MTF2: variants seen among roughly 807,000 people sequenced by gnomAD.
MTF2 encodes the protein metal response element binding transcription factor 2.
MTF2 carries 11 observed loss-of-function variants against 79.5 expected under a neutral mutation model. The observed-to-expected ratio is 0.14, with a 90% CI of 0.09 to 0.23. MTF2 has a LOEUF of 0.23. Among genes scored for constraint, MTF2 ranks in the 10% least tolerant of loss-of-function variants. MTF2 has a pLI of 1.00. For synonymous variants in MTF2, 208 were observed against 232.8 expected (o/e 0.89, Z 0.97); for missense variants, 486 against 711.2 (o/e 0.68, Z 3.60).
At chr1:93,088,713 G>GTAATTACAGCCACCCAAGTAGC (rs1654951652) in intron 1 of MTF2, among the ~76,000 whole-genome samples, 1 of 152,050 alleles carries the variant, frequency 6.6e-6, no homozygotes, top group South Asian at 2.1e-4. Flanking sequence ...TTACAGCTGT[G>GTAATTACAGCCACCCAAGTAGC]TGCCAACGTG....
At chr1:93,096,522 C>CTT in intron 1 of MTF2, among the ~76,000 whole-genome samples, 1 of 148,070 alleles carries the variant, frequency 6.8e-6, no homozygotes, top group East Asian at 2.0e-4. Flanking sequence ...CTGTCATATG[C>CTT]TTTTTTTTTT....
At position 93,114,701 on chromosome 1, in the gene MTF2, TG is replaced by T; in HGVS notation, c.304del (p.Glu102LysfsTer41). ...KDIQTGATGS[G>X]EMVCTICQEE... ...TAAATATTTTAGGAGCCACTGGAAG[TG>T]GGGAAATGGTCTGTACAATATGTCA... On this transcript the variant is annotated frameshift_variant, in exon 4 of 15. Coordinates refer to ENST00000370298, the MANE Select transcript of MTF2 (RefSeq NM_007358.4). LOFTEE classifies it high-confidence loss of function. 1 of 1,601,336 alleles carries T rather than the reference TG, an allele frequency of 6.2e-7. No individual in the cohort carries two copies. The highest frequency in any genetic ancestry group is 8.5e-7 in the Non-Finnish European group (1 of 1,176,316).
intron 1 of MTF2, among the ~76,000 whole-genome samples, chr1:93,088,499 A>C (rs1174649449): frequency 6.6e-6 from 1 of 152,204 alleles, no homozygotes; most frequent in Admixed American, 6.5e-5. Context: ...TTTGAAATCT[A>C]TTACTGTTTC....
At chr1:93,096,145 C>T (rs1655278853) in intron 1 of MTF2, among the ~76,000 whole-genome samples, 1 of 152,204 alleles carries the variant, frequency 6.6e-6, no homozygotes, top group African/African-American at 2.4e-5. Flanking sequence ...CTTCCATCTT[C>T]ATATATTGTG....
intron 1 of MTF2, among the ~76,000 whole-genome samples, chr1:93,082,606 G>T (rs1203022229): frequency 6.6e-6 from 1 of 152,036 alleles, no homozygotes; most frequent in Admixed American, 6.6e-5. Context: ...TTTTTTAAAG[G>T]TTTATTTTTA....
Position 93,136,998 on chromosome 1 carries a change from G to T in MTF2, c.1753G>T (p.Val585Leu). ...ACTTGATGGAAAGGTGCAGTATCTT[G>T]TGGAATGGGAAGGAGCAACTGCATC... ...VTLDGKVQYLVEWEGATAS is the reference protein window; with the variant it reads ...VTLDGKVQYLLEWEGATAS Residue 585 changes from valine to leucine, a missense_variant, in exon 15 of 15, where the codon GTG becomes TTG. Physicochemically the swap from Val to Leu is conservative, Grantham distance 32. Coordinates refer to ENST00000370298, the MANE Select transcript of MTF2 (RefSeq NM_007358.4). 5.6e-6 allele frequency: 9 copies of T among 1,613,942 alleles called. No homozygotes were observed. The highest frequency in any genetic ancestry group is 7.6e-6 in the Non-Finnish European group (9 of 1,179,972).
chr1:93,123,250 GTCTC>G (rs1206519707), intron 9 of MTF2, among the ~76,000 whole-genome samples: 7 of 132,690 alleles, frequency 5.3e-5, no homozygotes, highest in South Asian at 2.4e-4. Context: ...GGACAGGAGA[GTCTC>G]TCTCTCTCTT....
At chr1:93,123,962 G>A (rs1470303914) in intron 9 of MTF2, among the ~76,000 whole-genome samples, 2 of 151,748 alleles carry the variant, frequency 1.3e-5, no homozygotes, top group African/African-American at 2.4e-5. Flanking sequence ...ATCCAAAGCT[G>A]TGACTTCTTT....
At chr1:93,121,325 G>A (rs1049826649) in intron 9 of MTF2, 5 of 848,858 alleles carry the variant, frequency 5.9e-6, no homozygotes, top group Non-Finnish European at 7.1e-6. Flanking sequence ...ACTAGAATAA[G>A]TTTAATAGTT....
intron 6 of MTF2, among the ~76,000 whole-genome samples, chr1:93,117,468 A>G (rs767277265): frequency 3.3e-5 from 5 of 152,262 alleles, no homozygotes; most frequent in Non-Finnish European, 7.3e-5. Context: ...AAACAGATCT[A>G]TAGACCATAC....
At chr1:93,128,187 C>T (rs1344145155) in intron 10 of MTF2, among the ~76,000 whole-genome samples, 1 of 152,080 alleles carries the variant, frequency 6.6e-6, no homozygotes, top group African/African-American at 2.4e-5. Context: ...TTCTGAATTT[C>T]AGTTTAGGGT....
At chr1:93,112,332 G>A (rs963098709) in intron 3 of MTF2, among the ~76,000 whole-genome samples, 8 of 152,102 alleles carry the variant, frequency 5.3e-5, no homozygotes, top group Non-Finnish European at 8.8e-5. Context: ...TGCCAATAAT[G>A]TATATCAAAA....
chr1:93,093,593 C>G (rs1433443615), intron 1 of MTF2, among the ~76,000 whole-genome samples: 2 of 152,146 alleles, frequency 1.3e-5, no homozygotes, highest in African/African-American at 4.8e-5. Flanking sequence ...GGTTTACTCC[C>G]TCTGTTTAGT....
At chr1:93,117,865 TA>T (rs200062012) in intron 6 of MTF2, among the ~76,000 whole-genome samples, 6 of 149,726 alleles carry the variant, frequency 4.0e-5, no homozygotes, top group African/African-American at 9.8e-5. Context: ...CAGTTTTACT[TA>T]AAAAAAAAAT....
At chr1:93,082,752 A>AT (rs538567535) in intron 1 of MTF2, among the ~76,000 whole-genome samples, 181 of 152,140 alleles carry the variant, frequency 1.2e-3, no homozygotes, top group African/African-American at 3.3e-3. Context: ...CAGTTCAGTG[A>AT]TTTTTTTTAG....
At chr1:93,110,766 C>A in intron 3 of MTF2, 140 bp downstream of exon 3, 1 of 695,876 alleles carries the variant, frequency 1.4e-6, no homozygotes, top group Non-Finnish European at 2.4e-6. Context: ...AAAAAATCAG[C>A]ATAGTCGTTA....
intron 1 of MTF2, among the ~76,000 whole-genome samples, chr1:93,093,470 C>T (rs1045314954): frequency 3.9e-5 from 6 of 152,152 alleles, no homozygotes; most frequent in Admixed American, 3.9e-4. Flanking sequence ...GACTGGTTCT[C>T]TAGACCTGCT....
At chr1:93,090,212 G>A (rs965604313) in intron 1 of MTF2, among the ~76,000 whole-genome samples, 1 of 152,098 alleles carries the variant, frequency 6.6e-6, no homozygotes, top group East Asian at 1.9e-4. Context: ...TCCTGACCTC[G>A]TGATCCACCC....
intron 1 of MTF2, among the ~76,000 whole-genome samples, chr1:93,100,064 G>A (rs1337791956): frequency 6.6e-6 from 1 of 152,088 alleles, no homozygotes; most frequent in Non-Finnish European, 1.5e-5. Flanking sequence ...TCAATAGCAA[G>A]AAGTCAGATT....
Sources: gnomAD v4.1 joint callset for allele counts (sites outside exome capture counted in the v4.1 genomes callset) on GRCh38, gnomAD v4.1.1 for gene constraint, MANE v1.5 for transcripts, NCBI Gene and HGNC (gene_info 2026-07-23, HGNC 2026-07-21) for gene names.